The following CYYR1 variants were observed in gnomAD, a reference collection of about 807,000 sequenced individuals.
The protein encoded by CYYR1 is cysteine and tyrosine-rich protein 1.
Under a neutral mutation model 15.2 loss-of-function variants are expected in CYYR1, and 14 were observed. That is an observed-to-expected ratio of 0.92 (90% CI 0.61 to 1.44). The LOEUF (loss-of-function observed/expected upper bound fraction) is 1.44, where lower values mean the gene tolerates loss of function less well. Among genes scored for constraint, CYYR1 ranks in the 40% most tolerant of loss-of-function variants. The probability of loss-of-function intolerance (pLI) is 0.00; values close to 1 mark genes in which losing one functional copy is unlikely to be tolerated. For missense variants in CYYR1, 228 were observed against 209.5 expected (o/e 1.09, Z -0.54); for synonymous variants, 80 against 77.4 (o/e 1.03, Z -0.18).
chr21:26,503,875 A>T (rs1405773414), intron 2 of CYYR1, among the ~76,000 whole-genome samples: 1 of 152,240 alleles, frequency 6.6e-6, no homozygotes, highest in Non-Finnish European at 1.5e-5. Context: ...CATTTTCTTC[A>T]TGGAAGACGC....
At chr21:26,535,723 C>T (rs903129691) in intron 2 of CYYR1, among the ~76,000 whole-genome samples, 1 of 152,124 alleles carries the variant, frequency 6.6e-6, no homozygotes, top group South Asian at 2.1e-4. Context: ...CACAGTGAGT[C>T]GGTGGCCACT....
intron 2 of CYYR1, among the ~76,000 whole-genome samples, chr21:26,509,278 T>C (rs913104663): frequency 2.6e-5 from 4 of 152,226 alleles, no homozygotes; most frequent in African/African-American, 7.2e-5. Context: ...TCCTAGAATG[T>C]ATTTCTTGCA....
chr21:26,508,487 C>T (rs939709510), intron 2 of CYYR1, among the ~76,000 whole-genome samples: 2 of 152,170 alleles, frequency 1.3e-5, no homozygotes, highest in African/African-American at 2.4e-5. Flanking sequence ...CCAATCTTTG[C>T]GGTTTCTGAC....
Position 26,527,061 on chromosome 21 carries a change from A to G in CYYR1, c.176+39205T>C, listed in dbSNP as rs1329569557. 3.9e-5 allele frequency among the ~76,000 whole-genome samples: 6 copies of G among 152,300 alleles called. No homozygotes were observed. The East Asian group carries it at 7.7e-4, about 20-fold the overall frequency. ...AGGATCTGGGCCTTTTTTTCTTCCC[A>G]ATATGCAAGTGTGTTCACAACATGA... On this transcript the variant is annotated intron_variant, in intron 2 of 3. Transcript: ENST00000652641.
intron 2 of CYYR1, among the ~76,000 whole-genome samples, chr21:26,522,957 G>T (rs997953100): frequency 2.6e-5 from 4 of 152,226 alleles, no homozygotes; most frequent in Non-Finnish European, 5.9e-5. Flanking sequence ...AGGCTTGGCT[G>T]AAGGGAAGTC....
intron 3 of CYYR1, among the ~76,000 whole-genome samples, chr21:26,476,354 T>A (rs1431881803): frequency 6.6e-6 from 1 of 152,168 alleles, no homozygotes; most frequent in African/African-American, 2.4e-5. Context: ...ATTTTTCACC[T>A]GATAACTGAC....
In CYYR1 at chr21:26,468,356, C is replaced by T; in HGVS notation, c.*145G>A. 2.8e-6 allele frequency: 2 copies of T among 706,842 alleles called. No homozygotes were observed. Among genetic ancestry groups the T allele is most frequent in the East Asian group, 5.3e-5 (2 of 37,680 alleles). 43.8% of individuals were successfully genotyped at this position (706,842 alleles called of 1,614,324 possible). A position where few individuals can be genotyped will look rare whatever the true frequency, so the allele number is the denominator to read the frequency against. The stretch of plus-strand genomic sequence containing the variant: ...TTTGAGCAGAGTAGAAATCCTATAT[C>T]TCCTAGCAGGGATATTCCACCTGAC... On this transcript the variant is annotated 3_prime_UTR_variant, in exon 4 of 4. Transcript: ENST00000652641.
intron 2 of CYYR1, among the ~76,000 whole-genome samples, chr21:26,533,034 T>C (rs115837946): frequency 0.049 from 7,515 of 151,962 alleles, 215 homozygotes; most frequent in South Asian, 0.064. Context: ...CAAAAAATTC[T>C]TAAGTCTGAA....
chr21:26,562,168 G>A (rs1980246665), intron 2 of CYYR1, among the ~76,000 whole-genome samples: 1 of 152,040 alleles, frequency 6.6e-6, no homozygotes, highest in African/African-American at 2.4e-5. Flanking sequence ...AATATTCTGA[G>A]GCTTCTATCT....
intron 2 of CYYR1, among the ~76,000 whole-genome samples, chr21:26,531,168 G>A (rs1211523224): frequency 6.6e-6 from 1 of 152,110 alleles, no homozygotes; most frequent in Non-Finnish European, 1.5e-5. Context: ...AAAAGACATG[G>A]ATCACCAGGG....
chr21:26,539,186 C>T (rs1296886134), intron 2 of CYYR1, among the ~76,000 whole-genome samples: 1 of 152,132 alleles, frequency 6.6e-6, no homozygotes, highest in African/African-American at 2.4e-5. Context: ...CATTCAAGTT[C>T]ACAGACTCGC....
intron 2 of CYYR1, among the ~76,000 whole-genome samples, chr21:26,521,902 G>A (rs543529442): frequency 1.2e-4 from 19 of 152,290 alleles, no homozygotes; most frequent in African/African-American, 3.4e-4. Flanking sequence ...TTTTGGAGCC[G>A]TACTGTCTCC....
chr21:26,566,502 A>T, intron 1 of CYYR1, 134 bp from the exon 2 acceptor site: 1 of 664,968 alleles, frequency 1.5e-6, no homozygotes, highest in East Asian at 2.7e-5. Context: ...CGTCCTCAGA[A>T]TTCAAAAACA....
In CYYR1 at chr21:26,491,620, A is replaced by C. The variant is rs796704293; in HGVS notation, c.177-11191T>G. ...ATATTTAAAGATTTAATAAGGATTA[A>C]ATATTTAAAGATTCTAATAAAACTC... On this transcript the variant is annotated intron_variant, in intron 2 of 3. Transcript: ENST00000652641. 6.6e-5 allele frequency among the ~76,000 whole-genome samples: 10 copies of C among 152,310 alleles called. 1 individual carries two copies. The highest frequency in any genetic ancestry group is 2.4e-4 in the African/African-American group (10 of 41,570).
chr21:26,503,032 C>T (rs1426835071), intron 2 of CYYR1, among the ~76,000 whole-genome samples: 1 of 152,108 alleles, frequency 6.6e-6, no homozygotes, highest in Non-Finnish European at 1.5e-5. Flanking sequence ...AAGGAAAATG[C>T]AAGTAGATGG....
intron 2 of CYYR1, among the ~76,000 whole-genome samples, chr21:26,481,473 C>T (rs932182298): frequency 6.6e-6 from 1 of 152,060 alleles, no homozygotes; most frequent in South Asian, 2.1e-4. Context: ...AATAGTAATA[C>T]TATTACTATT....
At chr21:26,564,330 T>A (rs1204457771) in intron 2 of CYYR1, among the ~76,000 whole-genome samples, 1 of 152,210 alleles carries the variant, frequency 6.6e-6, no homozygotes, top group Non-Finnish European at 1.5e-5. Context: ...TTGCTAAGAA[T>A]TGTTTAGCAT....
intron 3 of CYYR1, among the ~76,000 whole-genome samples, chr21:26,476,419 C>T (rs1241375910): frequency 6.6e-6 from 1 of 152,106 alleles, no homozygotes; most frequent in Non-Finnish European, 1.5e-5. Context: ...AGCACATTCT[C>T]CTCTAGATTT....
intron 1 of CYYR1, among the ~76,000 whole-genome samples, chr21:26,567,780 C>A (rs570000669): frequency 1.3e-5 from 2 of 152,188 alleles, no homozygotes; most frequent in South Asian, 4.2e-4. Context: ...ACTGATTTAT[C>A]CAGAAAGGAA....
Sources: allele counts gnomAD v4.1 joint callset (sites outside exome capture counted in the v4.1 genomes callset), GRCh38; gene constraint gnomAD v4.1.1; transcripts MANE v1.5; gene names NCBI Gene and HGNC (gene_info 2026-07-23, HGNC 2026-07-21).